Variants in TENM3 observed in about 807,000 individuals in gnomAD.
The protein encoded by TENM3 is teneurin-3.
In TENM3, 63 loss-of-function variants were observed where a neutral mutation model predicts 255.1. That is an observed-to-expected ratio of 0.25 (90% CI 0.20 to 0.30). The LOEUF is 0.30. Ranked by LOEUF, TENM3 falls within the 10% of genes least tolerant of loss-of-function variation. TENM3 has a pLI of 1.00. For synonymous variants in TENM3, 1,306 were observed against 1,322.3 expected (o/e 0.99, Z 0.27); for missense variants, 2,929 against 3,461.1 (o/e 0.85, Z 3.86).
At chr4:182,756,522 A>G (rs1238292123) in intron 22 of TENM3, among the ~76,000 whole-genome samples, 1 of 152,226 alleles carries the variant, frequency 6.6e-6, no homozygotes, top group African/African-American at 2.4e-5. Context: ...ACAAACGCAA[A>G]ATAGTCTTTG....
chr4:181,587,809 G>A, the TENM3 span, among the ~76,000 whole-genome samples: 1 of 152,120 alleles, frequency 6.6e-6, no homozygotes, highest in African/African-American at 2.4e-5. Flanking sequence ...ATCCTAAATA[G>A]CATTCATTCT....
the TENM3 span, among the ~76,000 whole-genome samples, chr4:181,553,293 G>A: frequency 0.041 from 5,065 of 123,750 alleles, 223 homozygotes; most frequent in African/African-American, 0.11. Context: ...GTGTGTGTGT[G>A]TGTGTAGTGT....
the TENM3 span, among the ~76,000 whole-genome samples, chr4:181,934,036 A>G: frequency 1.3e-5 from 2 of 149,222 alleles, no homozygotes; most frequent in Non-Finnish European, 3.0e-5. Context: ...TTCTATAGTA[A>G]AATTCCCCTT....
At chr4:182,723,813 C>T (rs1039757494) in intron 13 of TENM3, among the ~76,000 whole-genome samples, 18 of 152,168 alleles carry the variant, frequency 1.2e-4, no homozygotes, top group Non-Finnish European at 2.2e-4. Flanking sequence ...TATTGGAACA[C>T]ATTCATGCCC....
At chr4:182,261,724 C>T (rs55673426) in intron 1 of TENM3, among the ~76,000 whole-genome samples, 1,526 of 152,334 alleles carry the variant, frequency 0.01, 27 homozygotes, top group African/African-American at 0.035. Context: ...TTTGCTGATG[C>T]TCCCGCTTGC....
At chr4:181,793,794 GA>G in the TENM3 span, among the ~76,000 whole-genome samples, 4 of 152,184 alleles carry the variant, frequency 2.6e-5, no homozygotes. Context: ...TCTGAATCAA[GA>G]AAAGCTCACA....
chr4:182,776,138 G>T (rs138834964), intron 24 of TENM3, among the ~76,000 whole-genome samples: 1 of 152,112 alleles, frequency 6.6e-6, no homozygotes, highest in African/African-American at 2.4e-5. Context: ...TAGGCTGGGC[G>T]TTGGTGGTTC....
chr4:182,430,260 G>A lies in TENM3; in HGVS notation c.511+83331G>A, dbSNP rs572141305. Among the ~76,000 whole-genome samples the A allele has an allele frequency of 6.6e-5, 10 of 152,282 alleles. No homozygotes were observed. The East Asian group carries it at 7.7e-4, about 12-fold the overall frequency. ...AGATTGTAGCACACTTAAAAAGAAC[G>A]ACTGTAGGCCGGGCGCAGTGGCTCA... On this transcript the variant is annotated intron_variant, in intron 3 of 27. Coordinates refer to ENST00000511685, the MANE Select transcript of TENM3 (RefSeq NM_001080477.4).
chr4:181,993,370 A>G, the TENM3 span, among the ~76,000 whole-genome samples: 1 of 152,196 alleles, frequency 6.6e-6, no homozygotes, highest in Non-Finnish European at 1.5e-5. Context: ...AAAAAGCATC[A>G]TTCTTTGAAA....
chr4:182,580,566 C>G (rs1745390677), intron 3 of TENM3, among the ~76,000 whole-genome samples: 1 of 151,922 alleles, frequency 6.6e-6, no homozygotes, highest in African/African-American at 2.4e-5. Flanking sequence ...TTTTTGACAG[C>G]TCCATTAGAT....
chr4:182,100,581 A>ATATATACACG, the TENM3 span, among the ~76,000 whole-genome samples: 1 of 114,120 alleles, frequency 8.8e-6, no homozygotes, highest in East Asian at 2.5e-4. Context: ...ATATACACAT[A>ATATATACACG]TATATACACA....
intron 12 of TENM3, among the ~76,000 whole-genome samples, chr4:182,697,501 G>A (rs1401520968): frequency 6.6e-6 from 1 of 152,130 alleles, no homozygotes; most frequent in Non-Finnish European, 1.5e-5. Flanking sequence ...GGTCCCTCCT[G>A]CTCTGCAAGT....
intron 15 of TENM3, among the ~76,000 whole-genome samples, chr4:182,730,664 GA>G (rs202196243): frequency 2.0e-5 from 3 of 150,982 alleles, no homozygotes; most frequent in African/African-American, 7.3e-5. Context: ...AGCAAATTTG[GA>G]AAAAAAAATT....
At chr4:181,746,032 T>A in the TENM3 span, among the ~76,000 whole-genome samples, 2 of 151,972 alleles carry the variant, frequency 1.3e-5, no homozygotes, top group African/African-American at 4.8e-5. Context: ...AGTTCAGGAT[T>A]GTGGAATTGA....
chr4:181,979,689 A>G, the TENM3 span, among the ~76,000 whole-genome samples: 15 of 152,134 alleles, frequency 9.9e-5, no homozygotes, highest in African/African-American at 3.6e-4. Flanking sequence ...CCCTTGTCCA[A>G]TGTAGTGTGC....
intron 3 of TENM3, among the ~76,000 whole-genome samples, chr4:182,379,363 A>G (rs4862045): frequency 0.88 from 133,673 of 152,040 alleles, 59,125 homozygotes; most frequent in African/African-American, 0.91. Context: ...TCTAAGAAAG[A>G]AAAAAGGGTA....
chr4:182,433,271 G>A (rs1279129208), intron 3 of TENM3, among the ~76,000 whole-genome samples: 2 of 152,088 alleles, frequency 1.3e-5, no homozygotes, highest in Non-Finnish European at 2.9e-5. Context: ...GGATAGAGAG[G>A]TTTCATTCAT....
chr4:182,587,909 AT>A (rs1746207598), intron 3 of TENM3, among the ~76,000 whole-genome samples: 1 of 152,100 alleles, frequency 6.6e-6, no homozygotes, highest in South Asian at 2.1e-4. Flanking sequence ...TAAAGGTATT[AT>A]TTTTAATGTC....
the TENM3 span, among the ~76,000 whole-genome samples, chr4:181,726,187 T>C: frequency 6.6e-6 from 1 of 152,132 alleles, no homozygotes; most frequent in East Asian, 1.9e-4. Flanking sequence ...TATTTCAAAA[T>C]ATAAATTTAT....
Sources: allele counts gnomAD v4.1 joint callset (sites outside exome capture counted in the v4.1 genomes callset), GRCh38; gene constraint gnomAD v4.1.1; transcripts MANE v1.5; gene names NCBI Gene and HGNC (gene_info 2026-07-23, HGNC 2026-07-21).